The following NOTCH1 variants were observed in gnomAD, a reference collection of about 807,000 sequenced individuals.
The protein encoded by NOTCH1 is neurogenic locus notch homolog protein 1.
A neutral mutation model predicts 254.8 loss-of-function variants in NOTCH1; 37 were observed. The observed-to-expected ratio is 0.15, with a 90% CI of 0.11 to 0.19. The LOEUF (loss-of-function observed/expected upper bound fraction) is 0.19, where lower values mean the gene tolerates loss of function less well. NOTCH1 is among the 10% of genes least tolerant of loss of function. NOTCH1 has a pLI of 1.00. For synonymous variants in NOTCH1, 1,731 were observed against 1,618.1 expected (o/e 1.07, Z -1.68); for missense variants, 2,972 against 3,708.6 (o/e 0.80, Z 5.16).
chr9:136,528,313 G>C lies in NOTCH1; in HGVS notation c.141-4334C>G, dbSNP rs528665566. 2.3e-4 allele frequency among the ~76,000 whole-genome samples: 32 copies of C among 137,536 alleles called. No individual in the cohort carries two copies. In the East Asian group the frequency reaches 6.4e-3, roughly 28 times the overall value. 90.2% of individuals were successfully genotyped at this position (137,536 alleles called of 152,430 possible). The stretch of plus-strand genomic sequence containing the variant: ...GGCTCTGCACCCGCCACAGGAACCA[G>C]AGACCCTGGGTGGGAGAGGTGCTTC... On this transcript the variant is annotated intron_variant, in intron 2 of 33. Transcript: ENST00000651671.
At chr9:136,534,182 C>T (rs1843606186) in intron 2 of NOTCH1, among the ~76,000 whole-genome samples, 1 of 152,212 alleles carries the variant, frequency 6.6e-6, no homozygotes, top group Non-Finnish European at 1.5e-5. Flanking sequence ...AAAAGGCTGA[C>T]TCCACACAGG....
chr9:136,500,856 G>T lies in NOTCH1; in HGVS notation c.5639-9C>A. 2 of 1,582,978 alleles carry T rather than the reference G, an allele frequency of 1.3e-6. No individual in the cohort carries two copies. The highest frequency in any genetic ancestry group is 1.7e-6 in the Non-Finnish European group (2 of 1,172,458). ...GAGCGGGGTGAAGCCATCTGCAGAG[G>T]CAGAGACGGGTGCTCAGTCTGGAGG... is the stretch of plus-strand genomic sequence containing the variant. On this transcript the variant is annotated splice_polypyrimidine_tract_variant and intron_variant, in intron 30 of 33. Transcript: ENST00000651671.
intron 17 of NOTCH1, 83 bp downstream of exon 17, chr9:136,510,570 C>T: frequency 6.6e-7 from 1 of 1,516,764 alleles, no homozygotes; most frequent in Non-Finnish European, 8.9e-7. Flanking sequence ...TGCTTATGGC[C>T]AGCACCATGC....
At chr9:136,535,456 A>ATGGT (rs1223705663) in intron 2 of NOTCH1, among the ~76,000 whole-genome samples, 2 of 135,830 alleles carry the variant, frequency 1.5e-5, no homozygotes, top group African/African-American at 6.4e-5. Context: ...CAATGGGTGC[A>ATGGT]GGGTAGGCGG....
chr9:136,505,646 G>C lies in NOTCH1; in HGVS notation c.4250C>G (p.Pro1417Arg), dbSNP rs1213397897. The C allele has an allele frequency of 1.2e-6, 2 of 1,612,054 alleles. No homozygotes were observed. Among genetic ancestry groups the C allele is most frequent in the Admixed American group, 3.3e-5 (2 of 59,966 alleles). The change falls in exon 25 of 34, where the codon CCC (proline) becomes CGC (arginine). Residue 1417 changes from proline (P) to arginine (R), a missense_variant. Around this residue, in one of 8 missense-constraint regions of NOTCH1, gnomAD observed 1,343 missense variants for 1,557.0 expected, o/e 0.86. Coordinates refer to ENST00000651671, the MANE Select transcript of NOTCH1 (RefSeq NM_017617.5). ...SESPFYRCLC[P>R]AKFNGLLCHI... is the part of the protein sequence containing the mutation. The stretch of plus-strand genomic sequence containing the variant: ...GCACAAGAGCCCGTTGAATTTGGCG[G>C]GGCACAGGCAACGGTAGAAGGGGCT...
In NOTCH1 at chr9:136,518,137, C is replaced by A; in HGVS notation, c.1255G>T (p.Gly419Cys). 6.3e-7 allele frequency: 1 copy of A among 1,585,196 alleles called. No individual in the cohort carries two copies. The highest frequency in any genetic ancestry group is 1.3e-5 in the African/African-American group (1 of 74,464). The change falls in exon 7 of 34, where the codon GGT (glycine) becomes TGT (cysteine). Residue 419 changes from glycine to cysteine, a missense_variant and splice_region_variant. Physicochemically the swap from Gly to Cys is radical, Grantham distance 159 (BLOSUM62 -3). Transcript: ENST00000651671. Reference protein sequence around the residue: ...CSQDVDECSLGANPCEHAGKC... With the variant: ...CSQDVDECSLCANPCEHAGKC... ...CCGCACCCCCTGTGCTGGCACCTAC[C>A]CAGCGAGCACTCATCCACGTCCTGG...
chr9:136,521,607 C>T (rs1350898017), intron 4 of NOTCH1, among the ~76,000 whole-genome samples: 2 of 152,192 alleles, frequency 1.3e-5, no homozygotes, highest in African/African-American at 4.8e-5. Flanking sequence ...GGGTCCCGTG[C>T]TGCTAGGAAG....
At position 136,533,253 on chromosome 9, in the gene NOTCH1, G is replaced by A. The variant is rs1843589338; in HGVS notation, c.141-9274C>T. On this transcript the variant is annotated intron_variant, in intron 2 of 33. Coordinates refer to ENST00000651671, the MANE Select transcript of NOTCH1 (RefSeq NM_017617.5). ...TCCCTCTATAAGGATGGAGAGTGGAGGCCCAAGGGGGGGACTCTGGCCCAG... is the reference window on the plus strand; with the variant it reads ...TCCCTCTATAAGGATGGAGAGTGGAAGCCCAAGGGGGGGACTCTGGCCCAG... Among the ~76,000 whole-genome samples the A allele has an allele frequency of 1.6e-5, 2 of 123,050 alleles. 1 individual carries two copies. Among genetic ancestry groups the A allele is most frequent in the Non-Finnish European group, 3.3e-5 (2 of 60,110 alleles). 80.7% of individuals were successfully genotyped at this position (123,050 alleles called of 152,430 possible).
intron 4 of NOTCH1, among the ~76,000 whole-genome samples, chr9:136,520,228 C>A (rs1448338957): frequency 6.6e-6 from 1 of 152,216 alleles, no homozygotes; most frequent in East Asian, 1.9e-4. Flanking sequence ...TCGGCAACAG[C>A]CAAACCTGCA....
chr9:136,524,610 T>TCCTACGTG (rs1843429220), intron 2 of NOTCH1, among the ~76,000 whole-genome samples: 1 of 151,640 alleles, frequency 6.6e-6, no homozygotes, highest in Non-Finnish European at 1.5e-5. Flanking sequence ...ATCAGCCCCT[T>TCCTACGTG]CCTACGTGGA....
At chr9:136,520,136 C>T (rs1235772331) in intron 4 of NOTCH1, among the ~76,000 whole-genome samples, 1 of 152,216 alleles carries the variant, frequency 6.6e-6, no homozygotes, top group Non-Finnish European at 1.5e-5. Flanking sequence ...AGGTATGGCC[C>T]CACCCAGGCC....
At chr9:136,535,738 G>T (rs369919651) in intron 2 of NOTCH1, among the ~76,000 whole-genome samples, 2 of 29,884 alleles carry the variant, frequency 6.7e-5, no homozygotes, top group Admixed American at 4.6e-4. Context: ...GGAGGGGGGA[G>T]CACTCAGGAT....
chr9:136,521,447 C>G (rs1274852832), intron 4 of NOTCH1, among the ~76,000 whole-genome samples: 2 of 152,110 alleles, frequency 1.3e-5, no homozygotes, highest in Admixed American at 1.3e-4. Flanking sequence ...CTGGGCCTCA[C>G]CAGGAGGTCC....
rs778109032 is a variant in NOTCH1 at position 136,497,080 on chromosome 9, G to C, written c.6659C>G (p.Pro2220Arg). 1 of 1,609,968 alleles carries C rather than the reference G, an allele frequency of 6.2e-7. No individual in the cohort carries two copies. The highest frequency in any genetic ancestry group is 8.5e-7 in the Non-Finnish European group (1 of 1,178,162). The change falls in exon 34 of 34, where the codon CCC (proline) becomes CGC (arginine). Residue 2220 changes from proline (P) to arginine (R), a missense_variant. Pro to Arg is a moderately radical substitution (Grantham distance 103, BLOSUM62 -2). Coordinates refer to ENST00000651671, the MANE Select transcript of NOTCH1 (RefSeq NM_017617.5). ...GGACGGAGACTGCTGGAACGGGGAGGGCAGCAGTGGCGGCGAGGCCACGTC... is the reference window on the plus strand; with the variant it reads ...GGACGGAGACTGCTGGAACGGGGAGCGCAGCAGTGGCGGCGAGGCCACGTC... ...LSDVASPPLLPSPFQQSPSVP... is the reference protein window; with the variant it reads ...LSDVASPPLLRSPFQQSPSVP...
chr9:136,511,731 A>G (rs1843184807), intron 15 of NOTCH1, among the ~76,000 whole-genome samples: 1 of 152,220 alleles, frequency 6.6e-6, no homozygotes, highest in Non-Finnish European at 1.5e-5. Flanking sequence ...GCTCCGTGTC[A>G]CAGGCAGCAA....
In NOTCH1 at chr9:136,496,592, G is replaced by T. The variant is rs759362012; in HGVS notation, c.7147C>A (p.Gln2383Lys). 2 of 1,612,822 alleles carry T rather than the reference G, an allele frequency of 1.2e-6. No homozygotes were observed. Among genetic ancestry groups the T allele is most frequent in the Non-Finnish European group, 8.5e-7 (1 of 1,179,994 alleles). ...LATQPHLVQT[Q>K]QVQPQNLQMQ... ...TGTAAGTTTTGTGGCTGCACCTGCTGGGTCTGCACCAGGTGAGGCTGGGTG... is the reference window on the plus strand; with the variant it reads ...TGTAAGTTTTGTGGCTGCACCTGCTTGGTCTGCACCAGGTGAGGCTGGGTG... Residue 2383 changes from glutamine (Q) to lysine (K), a missense_variant, in exon 34 of 34, where the codon CAG (glutamine) becomes AAG (lysine). By Grantham distance (53) the Gln-to-Lys change is moderately conservative. This residue lies in a region of NOTCH1 where 529 missense variants were observed against 529.2 expected (regional missense o/e 1.00). Transcript: ENST00000651671.
Position 136,508,909 on chromosome 9 carries a change from C to T in NOTCH1, c.3132G>A (p.Arg1044=). ...CAGTGTAGCCCTGGGGGCAGGTGCA[C>T]CTGTAGGAGCCGCAGCCGTCCTGAC... ...GTCQDGCGSY[R]CTCPQGYTGP... is the part of the protein sequence containing the mutation. The change falls in exon 19 of 34, where the codon AGG becomes AGA. Residue 1044 remains arginine, a synonymous_variant. Transcript: ENST00000651671. The T allele has an allele frequency of 6.5e-6, 10 of 1,548,670 alleles. No individual in the cohort carries two copies. The highest frequency in any genetic ancestry group is 7.0e-6 in the Non-Finnish European group (8 of 1,146,956).
Position 136,506,322 on chromosome 9 carries a change from G to A in NOTCH1, c.4014+205C>T, listed in dbSNP as rs1479458874. Among the ~76,000 whole-genome samples the A allele has an allele frequency of 6.6e-6, 1 of 151,792 alleles. No homozygotes were observed. The highest frequency in any genetic ancestry group is 1.5e-5 in the Non-Finnish European group (1 of 67,976). On this transcript the variant is annotated intron_variant, in intron 24 of 33. Coordinates refer to ENST00000651671, the MANE Select transcript of NOTCH1 (RefSeq NM_017617.5). This position sits in a 1 kb window ranked among gnomAD's most constrained non-coding sequence, Gnocchi z 4.5. ...GTGCAGGGGACAGCCACCCCAGGGAGTCTACTTCCTGCTCCATTTTTCTAT... is the reference window on the plus strand; with the variant it reads ...GTGCAGGGGACAGCCACCCCAGGGAATCTACTTCCTGCTCCATTTTTCTAT...
chr9:136,520,551 T>C (rs910913711), intron 4 of NOTCH1, among the ~76,000 whole-genome samples: 1 of 151,856 alleles, frequency 6.6e-6, no homozygotes, highest in African/African-American at 2.4e-5. Context: ...CTGGACAACA[T>C]GGCGAAACCC....
Sources: allele counts gnomAD v4.1 joint callset (sites outside exome capture counted in the v4.1 genomes callset), GRCh38; gene constraint gnomAD v4.1.1; regional missense constraint gnomAD v4.1.1; non-coding constraint Gnocchi (gnomAD v3.1); transcripts MANE v1.5; gene names NCBI Gene and HGNC (gene_info 2026-07-23, HGNC 2026-07-21).